The following PKHD1L1 variants were observed in gnomAD, a reference collection of about 807,000 sequenced individuals.
PKHD1L1 encodes fibrocystin-L.
In PKHD1L1, 434 loss-of-function variants were observed where a neutral mutation model predicts 462.9. The observed-to-expected ratio is 0.94, with a 90% confidence interval of 0.87 to 1.02. The LOEUF (loss-of-function observed/expected upper bound fraction) is 1.02, where lower values mean the gene tolerates loss of function less well. PKHD1L1 is among the 50% of genes least tolerant of loss of function. The pLI is 0.00. For missense variants in PKHD1L1, 5,202 were observed against 5,096.1 expected, an observed-to-expected ratio of 1.02 and a Z score of -0.63; for synonymous variants, 1,781 against 1,750.0, an observed-to-expected ratio of 1.02 and a Z score of -0.44.
intron 50 of PKHD1L1, among the ~76,000 whole-genome samples, chr8:109,472,620 T>A (rs1314149894): frequency 6.6e-6 from 1 of 152,162 alleles, no homozygotes; most frequent in East Asian, 1.9e-4. Context: ...TAGTAACTAC[T>A]CAGCAAGTGT....
At chr8:109,526,727 T>A (rs570885741) in intron 76 of PKHD1L1, 57 bp from the exon 77 acceptor site, 2 of 1,387,584 alleles carry the variant, frequency 1.4e-6, no homozygotes, top group Non-Finnish European at 2.0e-6. Context: ...ATGGGAACGG[T>A]ATGAAAACAA....
Position 109,515,122 on chromosome 8 carries a change from C to A in PKHD1L1, c.11554-48C>A, listed in dbSNP as rs575821736. 1.1e-4 allele frequency: 155 copies of A among 1,377,818 alleles called. No individual in the cohort carries two copies. In the South Asian group the frequency reaches 2.2e-3, roughly 19 times the overall value. 85.3% of individuals were successfully genotyped at this position (1,377,818 alleles called of 1,614,324 possible). On this transcript the variant is annotated intron_variant, in intron 71 of 77. Coordinates refer to ENST00000378402, the MANE Select transcript of PKHD1L1 (RefSeq NM_177531.6). Reference sequence around the variant, plus strand: ...GAAGGACGGTTTAAGTGCTAAATTACAAATATTCTATTTTGTTGCTTTCTT... The same window carrying A: ...GAAGGACGGTTTAAGTGCTAAATTAAAAATATTCTATTTTGTTGCTTTCTT...
Position 109,504,489 on chromosome 8 carries a change from T to G in PKHD1L1, c.10991T>G (p.Ile3664Arg). The change falls in exon 68 of 78, where the codon ATA (isoleucine) becomes AGA (arginine). Residue 3664 changes from isoleucine to arginine, a missense_variant. Ile to Arg is a moderately conservative substitution (Grantham distance 97). Transcript: ENST00000378402. ...QSKIFIHRPD[I>R]SKVNPSDCVD... ...AAAATATTTATACATAGGCCTGATA[T>G]AAGGTAAAATACATAAAAATTGTGG... 1 of 1,470,388 alleles carries G rather than the reference T, an allele frequency of 6.8e-7. No homozygotes were observed. Among genetic ancestry groups the G allele is most frequent in the Non-Finnish European group, 9.1e-7 (1 of 1,097,384 alleles). 91.1% of individuals were successfully genotyped at this position (1,470,388 alleles called of 1,614,324 possible).
At chr8:109,395,197 C>A (rs534573889) in intron 10 of PKHD1L1, among the ~76,000 whole-genome samples, 5 of 152,168 alleles carry the variant, frequency 3.3e-5, no homozygotes, top group Non-Finnish European at 7.3e-5. Flanking sequence ...AACTTGGAGA[C>A]CATTTAAGCT....
At chr8:109,390,885 T>A (rs1812680729) in intron 9 of PKHD1L1, among the ~76,000 whole-genome samples, 1 of 152,194 alleles carries the variant, frequency 6.6e-6, no homozygotes, top group Non-Finnish European at 1.5e-5. Context: ...TTTTAAGTTA[T>A]CAAGACATAG....
At chr8:109,450,135 C>T (rs1816401499) in intron 40 of PKHD1L1, among the ~76,000 whole-genome samples, 1 of 152,138 alleles carries the variant, frequency 6.6e-6, no homozygotes, top group Admixed American at 6.5e-5. Context: ...AGCCGAGTAA[C>T]TTCTCTCTGC....
chr8:109,429,722 G>A (rs1236202035), intron 26 of PKHD1L1, among the ~76,000 whole-genome samples: 2 of 152,042 alleles, frequency 1.3e-5, no homozygotes, highest in African/African-American at 4.8e-5. Flanking sequence ...CTTTACAGCA[G>A]CTCTGTAAAG....
chr8:109,522,329 T>C lies in PKHD1L1; in HGVS notation c.12175T>C (p.Trp4059Arg), dbSNP rs771134957. ...CCTCCCCAGCCCAAGTGACTCTGGGTGGATTAAGGTAAGAAAATGCAACTA... is the reference window on the plus strand; with the variant it reads ...CCTCCCCAGCCCAAGTGACTCTGGGCGGATTAAGGTAAGAAAATGCAACTA... ...NPLPSPSDSG[W>R]IKVTAQPVER... The change falls in exon 74 of 78, where the codon TGG becomes CGG. Residue 4059 changes from tryptophan to arginine, a missense_variant. Physicochemically the swap from Trp to Arg is moderately radical, Grantham distance 101. Transcript: ENST00000378402. 6.4e-7 allele frequency: 1 copy of C among 1,563,328 alleles called. No individual in the cohort carries two copies. Among genetic ancestry groups the C allele is most frequent in the East Asian group, 2.3e-5 (1 of 42,712 alleles).
chr8:109,529,981 C>T (rs1008282353), intron 77 of PKHD1L1, 99 bp from the exon 78 acceptor site: 11 of 724,002 alleles, frequency 1.5e-5, no homozygotes, highest in African/African-American at 3.8e-5. Flanking sequence ...CTAACTGTAC[C>T]ATAAAAATGA....
intron 56 of PKHD1L1, among the ~76,000 whole-genome samples, chr8:109,482,111 G>T (rs1270590283): frequency 6.6e-6 from 1 of 151,460 alleles, no homozygotes; most frequent in Admixed American, 6.6e-5. Flanking sequence ...AAAGCAAATG[G>T]CTTGAAAGAG....
In PKHD1L1 at chr8:109,373,320, AG is replaced by A. The variant is rs766255986; in HGVS notation, c.164-8049del. Among the ~76,000 whole-genome samples, 16 of 152,262 alleles carry A rather than the reference AG, an allele frequency of 1.1e-4. No individual in the cohort carries two copies. The East Asian group carries it at 1.9e-3, about 18-fold the overall frequency. On this transcript the variant is annotated intron_variant, in intron 2 of 77. Transcript: ENST00000378402. Reference sequence around the variant, plus strand: ...GGTGTTTATAGTATTCTCTGATGGTAGTTTGTATTTCTGTGGGATCTGTGGT... The same window carrying A: ...GGTGTTTATAGTATTCTCTGATGGTATTTGTATTTCTGTGGGATCTGTGGT...
chr8:109,393,189 A>G (rs552653872), intron 9 of PKHD1L1, among the ~76,000 whole-genome samples: 6 of 152,030 alleles, frequency 3.9e-5, no homozygotes, highest in South Asian at 2.1e-4. Flanking sequence ...TAACTAATCT[A>G]GCATAAAATA....
intron 50 of PKHD1L1, among the ~76,000 whole-genome samples, chr8:109,474,742 C>G (rs939251773): frequency 6.6e-6 from 1 of 151,948 alleles, no homozygotes; most frequent in African/African-American, 2.4e-5. Context: ...AGATCAATGA[C>G]CTTTAAATAA....
chr8:109,425,015 T>C (rs898420572), intron 23 of PKHD1L1, 70 bp from the exon 24 acceptor site: 39 of 1,273,450 alleles, frequency 3.1e-5, no homozygotes, highest in Non-Finnish European at 4.1e-5. Context: ...GATTGTACCA[T>C]GATGAAATAG....
At chr8:109,469,838 C>T (rs1028849013) in intron 50 of PKHD1L1, among the ~76,000 whole-genome samples, 2 of 151,982 alleles carry the variant, frequency 1.3e-5, no homozygotes, top group African/African-American at 4.8e-5. Context: ...ATATTTTAAA[C>T]AAAATATCTA....
intron 65 of PKHD1L1, among the ~76,000 whole-genome samples, chr8:109,498,118 G>A (rs1188474028): frequency 2.8e-5 from 1 of 35,100 alleles, no homozygotes; most frequent in African/African-American, 1.7e-4. Context: ...TTTTTGAGAC[G>A]GAGTCTCGCT....
intron 2 of PKHD1L1, among the ~76,000 whole-genome samples, chr8:109,379,002 C>G (rs1365767927): frequency 2.6e-5 from 4 of 152,182 alleles, no homozygotes; most frequent in African/African-American, 9.7e-5. Context: ...TCTGTGGCCA[C>G]CGCAGTGCTA....
intron 11 of PKHD1L1, 25 bp from the exon 12 acceptor site, chr8:109,398,434 G>GA: frequency 7.3e-7 from 1 of 1,374,504 alleles, no homozygotes; most frequent in Non-Finnish European, 1.0e-6. Flanking sequence ...CAGTAGTAAC[G>GA]GTTTTGTATC....
Position 109,381,433 on chromosome 8 carries a change from A to C in PKHD1L1, c.227A>C (p.Gln76Pro), listed in dbSNP as rs1370053223. 1 of 1,584,008 alleles carries C rather than the reference A, an allele frequency of 6.3e-7. No homozygotes were observed. The highest frequency in any genetic ancestry group is 1.7e-4 in the Middle Eastern group (1 of 6,014). Reference sequence around the variant, plus strand: ...AACGCTGAGTTGGGAAACAGTGTGCAATTAATTTCTTCTTTCCAGTCAATT... The same window carrying C: ...AACGCTGAGTTGGGAAACAGTGTGCCATTAATTTCTTCTTTCCAGTCAATT... ...VDNAELGNSV[Q>P]LISSFQSITC... is the part of the protein sequence containing the mutation. The change falls in exon 3 of 78, where the codon CAA (glutamine) becomes CCA (proline). Residue 76 changes from glutamine to proline, a missense_variant. By Grantham distance (76) the Gln-to-Pro change is moderately conservative. Transcript: ENST00000378402.
Sources: allele counts gnomAD v4.1 joint callset (sites outside exome capture counted in the v4.1 genomes callset), GRCh38; gene constraint gnomAD v4.1.1; transcripts MANE v1.5; gene names NCBI Gene and HGNC (gene_info 2026-07-23, HGNC 2026-07-21).